The following DPP6 variants were observed in gnomAD, a reference collection of about 807,000 sequenced individuals.
The protein encoded by DPP6 is dipeptidyl peptidase like 6.
In DPP6, 69 loss-of-function variants were observed where a neutral mutation model predicts 122.6. The observed-to-expected ratio is 0.56, with a 90% CI of 0.46 to 0.69. DPP6 has a LOEUF of 0.69. Ranked by LOEUF, DPP6 falls within the 30% of genes least tolerant of loss-of-function variation. DPP6 has a pLI of 0.00. For synonymous variants in DPP6, 418 were observed against 433.1 expected (o/e 0.97, Z 0.43); for missense variants, 928 against 1,116.9 (o/e 0.83, Z 2.41).
chr7:154,262,678 G>A (rs6464396), intron 1 of DPP6, among the ~76,000 whole-genome samples: 102,051 of 149,910 alleles, frequency 0.68, 36,632 homozygotes, highest in African/African-American at 0.93. Context: ...AAAAAGACTA[G>A]AGACTCTAGG....
chr7:154,231,468 A>G (rs1800913248), intron 1 of DPP6, among the ~76,000 whole-genome samples: 2 of 152,162 alleles, frequency 1.3e-5, no homozygotes, highest in South Asian at 2.1e-4. Flanking sequence ...CCACGATGTA[A>G]GTGTCAGGAT....
At chr7:154,366,197 G>T (rs1347261687) in intron 1 of DPP6, among the ~76,000 whole-genome samples, 1 of 152,170 alleles carries the variant, frequency 6.6e-6, no homozygotes, top group Non-Finnish European at 1.5e-5. Context: ...TGACAGGACT[G>T]CAGATTCTGT....
At chr7:153,860,805 C>T in the DPP6 span, among the ~76,000 whole-genome samples, 2 of 152,136 alleles carry the variant, frequency 1.3e-5, no homozygotes, top group Admixed American at 6.6e-5. Context: ...GCATACTTTA[C>T]CTCATCCCTT....
chr7:154,440,761 A>C (rs1053994912), intron 1 of DPP6, among the ~76,000 whole-genome samples: 2 of 152,122 alleles, frequency 1.3e-5, no homozygotes, highest in African/African-American at 4.8e-5. Context: ...CTCCTTCCCT[A>C]GTGAGAAGGC....
intron 1 of DPP6, among the ~76,000 whole-genome samples, chr7:154,246,338 AAG>A (rs1224769006): frequency 4.6e-5 from 7 of 152,326 alleles, no homozygotes; most frequent in African/African-American, 1.7e-4. Flanking sequence ...AAGTTGGAAA[AAG>A]AAATACAAAA....
chr7:153,797,066 T>A, the DPP6 span, among the ~76,000 whole-genome samples: 1 of 152,184 alleles, frequency 6.6e-6, no homozygotes, highest in Non-Finnish European at 1.5e-5. Flanking sequence ...TGACACCAAC[T>A]GCCAAGGGCC....
chr7:153,881,556 C>G, the DPP6 span, among the ~76,000 whole-genome samples: 1 of 152,188 alleles, frequency 6.6e-6, no homozygotes, highest in Non-Finnish European at 1.5e-5. Context: ...TTGCCTGTCC[C>G]TGTCTCCCTG....
At chr7:154,062,023 G>T (rs1286952908) in intron 1 of DPP6, among the ~76,000 whole-genome samples, 3 of 115,458 alleles carry the variant, frequency 2.6e-5, no homozygotes. Flanking sequence ...CAGGGGGGGG[G>T]AGGCACCCCC....
intron 1 of DPP6, among the ~76,000 whole-genome samples, chr7:153,998,322 A>G (rs972394034): frequency 2.6e-5 from 4 of 152,208 alleles, no homozygotes; most frequent in African/African-American, 9.6e-5. Flanking sequence ...ATTTAATTTC[A>G]TGGTATAAGA....
intron 1 of DPP6, among the ~76,000 whole-genome samples, chr7:154,121,642 T>A (rs1459635956): frequency 6.6e-6 from 1 of 152,234 alleles, no homozygotes; most frequent in Admixed American, 6.5e-5. Context: ...AAAGACACTT[T>A]GTGTGAGTTG....
At chr7:154,276,557 A>T (rs908820291) in intron 1 of DPP6, among the ~76,000 whole-genome samples, 8 of 152,216 alleles carry the variant, frequency 5.3e-5, no homozygotes, top group African/African-American at 1.9e-4. Flanking sequence ...GGAAATTAAG[A>T]GTGTTATTCT....
intron 1 of DPP6, among the ~76,000 whole-genome samples, chr7:154,394,050 G>T (rs761961322): frequency 1.3e-5 from 2 of 152,140 alleles, no homozygotes; most frequent in African/African-American, 2.4e-5. Context: ...TTTATCAGTT[G>T]ATAGACTCTT....
In DPP6 at chr7:154,853,808, C is replaced by A. The variant is rs1390494680; in HGVS notation, c.1695C>A (p.His565Gln). Residue 565 changes from histidine to glutamine, a missense_variant, in exon 17 of 26, where the codon CAC becomes CAA. Physicochemically the swap from His to Gln is conservative, Grantham distance 24 (BLOSUM62 0). Coordinates refer to ENST00000377770, the MANE Select transcript of DPP6 (RefSeq NM_130797.4). ...CTGGTGTTCCTATGGTGACGGTGCA[C>A]AACACAACAGATAAGAAAAGTAAGT... is the stretch of plus-strand genomic sequence containing the variant. Reference protein sequence around the residue: ...EGPGVPMVTVHNTTDKKKMFD... With the variant: ...EGPGVPMVTVQNTTDKKKMFD... 15 of 1,613,766 alleles carry A rather than the reference C, an allele frequency of 9.3e-6. No homozygotes were observed. The highest frequency in any genetic ancestry group is 1.3e-5 in the African/African-American group (1 of 74,912).
At chr7:153,961,919 G>A (rs1444290063) in intron 1 of DPP6, among the ~76,000 whole-genome samples, 1 of 148,410 alleles carries the variant, frequency 6.7e-6, no homozygotes, top group Non-Finnish European at 1.5e-5. Context: ...AAGTACAGAT[G>A]AAGCCATCAT....
At chr7:154,288,651 T>C (rs1263572274) in intron 1 of DPP6, among the ~76,000 whole-genome samples, 1 of 152,234 alleles carries the variant, frequency 6.6e-6, no homozygotes, top group Non-Finnish European at 1.5e-5. Context: ...AGCAATTTGA[T>C]TTATACAATG....
chr7:154,567,095 T>G (rs1386401935), intron 5 of DPP6, among the ~76,000 whole-genome samples, 179 bp downstream of exon 5: 1 of 152,200 alleles, frequency 6.6e-6, no homozygotes, highest in Non-Finnish European at 1.5e-5. Flanking sequence ...GGTATAAATA[T>G]CTGCTTGGCA....
At chr7:154,455,154 T>C (rs1439837012) in intron 2 of DPP6, among the ~76,000 whole-genome samples, 5 of 152,194 alleles carry the variant, frequency 3.3e-5, no homozygotes, top group African/African-American at 1.2e-4. Flanking sequence ...GATGGACACA[T>C]AGAACTTAGC....
intron 1 of DPP6, among the ~76,000 whole-genome samples, chr7:154,013,866 A>G (rs1425431029): frequency 6.6e-6 from 1 of 151,508 alleles, no homozygotes; most frequent in Non-Finnish European, 1.5e-5. Context: ...CCTTTGCCTT[A>G]GGAAGTCTGA....
intron 7 of DPP6, among the ~76,000 whole-genome samples, chr7:154,684,255 C>T (rs1839462256): frequency 6.6e-6 from 1 of 152,084 alleles, no homozygotes; most frequent in African/African-American, 2.4e-5. Context: ...TGTCCCCTGC[C>T]ACTCTGCCAT....
Sources: gnomAD v4.1 joint callset for allele counts (sites outside exome capture counted in the v4.1 genomes callset) on GRCh38, gnomAD v4.1.1 for gene constraint, MANE v1.5 for transcripts, NCBI Gene and HGNC (gene_info 2026-07-23, HGNC 2026-07-21) for gene names.